The following SPAG9 variants were observed in gnomAD, a reference collection of about 807,000 sequenced individuals.
SPAG9 encodes C-Jun-amino-terminal kinase-interacting protein 4.
SPAG9 carries 35 observed loss-of-function variants against 166.5 expected under a neutral mutation model. The ratio of observed to expected loss-of-function variants is 0.21; its 90% confidence interval spans 0.16 to 0.28. SPAG9 has a LOEUF of 0.28. SPAG9 is among the 10% of genes least tolerant of loss of function. SPAG9 has a pLI of 1.00. For missense variants in SPAG9, 1,235 were observed against 1,603.3 expected (o/e 0.77, Z 3.92); for synonymous variants, 534 against 565.5 (o/e 0.94, Z 0.79).
chr17:51,015,189 T>C (rs577870961), intron 8 of SPAG9, among the ~76,000 whole-genome samples: 2 of 152,260 alleles, frequency 1.3e-5, no homozygotes, highest in African/African-American at 2.4e-5. Context: ...AGTGATTCAA[T>C]AGACCAGAGA....
rs2045158728 is a variant in SPAG9, at chr17:51,005,266, A to G, written c.1425-3T>C. ...CATCTTCAGCTTCTGCCCGAGCTCT[A>G]GTGGGGAAAAAACAAAACAAAACAT... On this transcript the variant is annotated splice_polypyrimidine_tract_variant and splice_region_variant and intron_variant, in intron 11 of 29. Coordinates refer to ENST00000262013, the MANE Select transcript of SPAG9 (RefSeq NM_001130528.3). The G allele has an allele frequency of 2.5e-6, 4 of 1,613,760 alleles. No homozygotes were observed. Among genetic ancestry groups the G allele is most frequent in the Non-Finnish European group, 3.4e-6 (4 of 1,179,752 alleles).
At chr17:51,046,660 T>A in intron 4 of SPAG9, 1 of 1,536,024 alleles carries the variant, frequency 6.5e-7, no homozygotes, top group Non-Finnish European at 8.7e-7. Context: ...CCAGGACTCA[T>A]GGCGCTGTGC....
intron 1 of SPAG9, among the ~76,000 whole-genome samples, chr17:51,093,153 T>C (rs900005211): frequency 2.7e-5 from 4 of 150,496 alleles, no homozygotes; most frequent in Non-Finnish European, 4.4e-5. Flanking sequence ...GGTGGACAGA[T>C]TGCTTGAGCT....
At chr17:50,976,634 A>C (rs182507699) in intron 27 of SPAG9, 20 of 153,222 alleles carry the variant, frequency 1.3e-4, no homozygotes, top group African/African-American at 4.8e-4. Flanking sequence ...TTATTCATAA[A>C]AACAATAAAT....
intron 2 of SPAG9, among the ~76,000 whole-genome samples, chr17:51,070,204 T>C (rs991189829): frequency 3.9e-5 from 6 of 152,074 alleles, no homozygotes; most frequent in African/African-American, 1.4e-4. Flanking sequence ...AATGGCTCTA[T>C]ACTCAGGGAA....
intron 7 of SPAG9, 64 bp downstream of exon 7, chr17:51,021,094 C>G: frequency 7.2e-7 from 1 of 1,380,836 alleles, no homozygotes; most frequent in Non-Finnish European, 1.0e-6. Flanking sequence ...CATATTTTCT[C>G]ATACCCACAT....
At chr17:50,990,228 CTG>C in intron 20 of SPAG9, 1 of 542,392 alleles carries the variant, frequency 1.8e-6, no homozygotes, top group Non-Finnish European at 3.3e-6. Context: ...CAGGGTTTCA[CTG>C]TGTTAGCCAG....
chr17:51,056,353 TC>T, intron 3 of SPAG9, 58 bp downstream of exon 3: 1 of 945,926 alleles, frequency 1.1e-6, no homozygotes, highest in Non-Finnish European at 1.7e-6. Context: ...AGACATATTT[TC>T]TAAGGTTCAT....
chr17:51,019,683 T>C (rs2045857843), intron 8 of SPAG9, among the ~76,000 whole-genome samples: 1 of 151,970 alleles, frequency 6.6e-6, no homozygotes, highest in African/African-American at 2.4e-5. Context: ...AGAAACCCCG[T>C]CTCTACTAAA....
intron 1 of SPAG9, among the ~76,000 whole-genome samples, chr17:51,102,307 G>C (rs1394826870): frequency 6.6e-6 from 1 of 151,654 alleles, no homozygotes; most frequent in Non-Finnish European, 1.5e-5. Context: ...GGAAGGCTGA[G>C]GCACGAGAAT....
intron 26 of SPAG9, among the ~76,000 whole-genome samples, chr17:50,979,438 A>G (rs1974434014): frequency 6.6e-6 from 1 of 151,850 alleles, no homozygotes; most frequent in Non-Finnish European, 1.5e-5. Flanking sequence ...TTCAATGATA[A>G]AAGTTCACTA....
At chr17:51,104,915 A>G (rs1487255482) in intron 1 of SPAG9, among the ~76,000 whole-genome samples, 1 of 92,880 alleles carries the variant, frequency 1.1e-5, no homozygotes, top group Non-Finnish European at 2.3e-5. Context: ...CCTGGGCGAC[A>G]GAGCGAGACT....
At chr17:50,972,341 A>C (rs543660480) in intron 28 of SPAG9, among the ~76,000 whole-genome samples, 1 of 152,362 alleles carries the variant, frequency 6.6e-6, no homozygotes, top group South Asian at 2.1e-4. Context: ...AGTCATAATT[A>C]ACATTTAAAT....
At chr17:51,070,752 T>C (rs942899746) in intron 2 of SPAG9, among the ~76,000 whole-genome samples, 4 of 152,288 alleles carry the variant, frequency 2.6e-5, no homozygotes, top group African/African-American at 4.8e-5. Context: ...CTAGTTGTTA[T>C]GGTTGCATTT....
chr17:51,012,241 CAT>C (rs1393474736), intron 9 of SPAG9, among the ~76,000 whole-genome samples: 1 of 151,898 alleles, frequency 6.6e-6, no homozygotes, highest in Non-Finnish European at 1.5e-5. Context: ...AAAATTAAAA[CAT>C]AAAATTAAAT....
intron 5 of SPAG9, among the ~76,000 whole-genome samples, chr17:51,036,349 A>G (rs118157464): frequency 6.6e-6 from 1 of 151,968 alleles, no homozygotes; most frequent in Non-Finnish European, 1.5e-5. Flanking sequence ...ACACCTATAA[A>G]TTTACAAATT....
chr17:50,996,185 A>G (rs539994186), intron 16 of SPAG9: 20 of 187,014 alleles, frequency 1.1e-4, no homozygotes, highest in Admixed American at 4.5e-4. Flanking sequence ...TGAAGACCTG[A>G]ACTTAATTTT....
At chr17:51,075,836 A>G (rs2047954364) in intron 2 of SPAG9, among the ~76,000 whole-genome samples, 1 of 152,056 alleles carries the variant, frequency 6.6e-6, no homozygotes, top group Admixed American at 6.6e-5. Context: ...AGAAAAAAAG[A>G]AAAAGATCCA....
chr17:51,044,821 C>G (rs2046962553), intron 4 of SPAG9, among the ~76,000 whole-genome samples: 1 of 152,072 alleles, frequency 6.6e-6, no homozygotes, highest in Non-Finnish European at 1.5e-5. Flanking sequence ...TTGGAACTAC[C>G]AACTTTTTGA....
Sources: gnomAD v4.1 joint callset for allele counts (sites outside exome capture counted in the v4.1 genomes callset) on GRCh38, gnomAD v4.1.1 for gene constraint, MANE v1.5 for transcripts, NCBI Gene and HGNC (gene_info 2026-07-23, HGNC 2026-07-21) for gene names.